The following PRDM16 variants were observed in gnomAD, a reference collection of about 807,000 sequenced individuals.
The protein encoded by PRDM16 is histone-lysine N-methyltransferase PRDM16.
PRDM16 carries 23 observed loss-of-function variants against 110.6 expected under a neutral mutation model. The observed-to-expected ratio is 0.21, with a 90% confidence interval of 0.15 to 0.29. The LOEUF (loss-of-function observed/expected upper bound fraction) is 0.29, where lower values mean the gene tolerates loss of function less well. PRDM16 is among the 10% of genes least tolerant of loss of function. PRDM16 has a pLI of 1.00. For synonymous variants in PRDM16, 799 were observed against 781.8 expected (o/e 1.02, Z -0.37); for missense variants, 1,615 against 1,794.3 (o/e 0.90, Z 1.81).
chr1:3,302,774 A>G (rs1372362330), intron 3 of PRDM16, among the ~76,000 whole-genome samples: 1 of 152,228 alleles, frequency 6.6e-6, no homozygotes, highest in Admixed American at 6.5e-5. Context: ...AGTAGACTAG[A>G]AAGAACACCT....
intron 1 of PRDM16, among the ~76,000 whole-genome samples, chr1:3,128,971 G>A (rs1643272350): frequency 6.6e-6 from 1 of 152,220 alleles, no homozygotes; most frequent in Non-Finnish European, 1.5e-5. Context: ...CTGTGCAGAT[G>A]AGATGAGGAG....
rs558939434 is a variant in PRDM16, at chr1:3,290,597, G to C, written c.438+46460G>C. On this transcript the variant is annotated intron_variant, in intron 3 of 16. Transcript: ENST00000270722. The surrounding 1 kb of genome is among the most constrained non-coding windows in gnomAD (Gnocchi z 4.8). ...ATCACTGAAGAAGCCCCGTGGCTCC[G>C]GCTCCGTCTGCAGGATCCCTCCCAG... Among the ~76,000 whole-genome samples the C allele has an allele frequency of 3.5e-4, 53 of 152,176 alleles. No homozygotes were observed. The highest frequency in any genetic ancestry group is 7.3e-5 in the Non-Finnish European group (5 of 68,028).
At chr1:3,337,815 C>T (rs1297697721) in intron 3 of PRDM16, among the ~76,000 whole-genome samples, 2 of 152,196 alleles carry the variant, frequency 1.3e-5, no homozygotes, top group African/African-American at 4.8e-5. Flanking sequence ...TGGAGCATGA[C>T]ACTGAGCATT....
chr1:3,432,258 GC>G (rs1279254779), intron 16 of PRDM16, 118 bp downstream of exon 16: 2 of 816,188 alleles, frequency 2.5e-6, no homozygotes, highest in Non-Finnish European at 3.9e-6. Flanking sequence ...TCACGCAAAC[GC>G]CCCCACGCTG....
At chr1:3,366,936 T>C (rs1230903384) in intron 3 of PRDM16, among the ~76,000 whole-genome samples, 1 of 152,180 alleles carries the variant, frequency 6.6e-6, no homozygotes, top group Non-Finnish European at 1.5e-5. Context: ...TGTTTTGTTT[T>C]GCTAGGCTTT....
At chr1:3,352,845 G>A (rs763846704) in intron 3 of PRDM16, among the ~76,000 whole-genome samples, 1 of 151,916 alleles carries the variant, frequency 6.6e-6, no homozygotes, top group African/African-American at 2.4e-5. Flanking sequence ...GCCTCTGCCC[G>A]GTGTCAGGAA....
rs773488297 is a variant in PRDM16, at chr1:3,433,710, A to G, written c.3730A>G (p.Thr1244Ala). 8 of 1,613,336 alleles carry G rather than the reference A, an allele frequency of 5.0e-6. No homozygotes were observed. The highest frequency in any genetic ancestry group is 5.9e-6 in the Non-Finnish European group (7 of 1,179,796). Residue 1244 changes from threonine to alanine, a missense_variant, in exon 17 of 17, where the codon ACT becomes GCT. By Grantham distance (58) the Thr-to-Ala change is moderately conservative (BLOSUM62 0). This residue lies in a region of PRDM16 where 327 missense variants were observed against 359.3 expected (regional missense o/e 0.91). Coordinates refer to ENST00000270722, the MANE Select transcript of PRDM16 (RefSeq NM_022114.4). ...YAMMLSLSED[T>A]PLHTPSQGSL... is the part of the protein sequence containing the mutation. ...AATGATGCTGTCCCTTTCCGAAGAC[A>G]CTCCTCTCCACACCCCCTCCCAGGG...
intron 3 of PRDM16, among the ~76,000 whole-genome samples, chr1:3,285,772 C>T (rs1453416928): frequency 6.6e-6 from 1 of 152,150 alleles, no homozygotes; most frequent in African/African-American, 2.4e-5. Flanking sequence ...AGGAAAGCCC[C>T]CCCACCACCG....
intron 16 of PRDM16, 122 bp from the exon 17 acceptor site, chr1:3,433,555 G>A (rs57214979): frequency 4.8e-5 from 11 of 230,084 alleles, no homozygotes; most frequent in South Asian, 3.8e-4. Flanking sequence ...CTGCCCACGC[G>A]CTCACCTGCC....
chr1:3,222,778 T>G (rs1172172099), intron 2 of PRDM16, among the ~76,000 whole-genome samples: 49 of 152,212 alleles, frequency 3.2e-4, no homozygotes, highest in Admixed American at 3.1e-3. Flanking sequence ...GGATGCAGGC[T>G]TGGTTCTGGA....
At chr1:3,363,043 G>A (rs1557633971) in intron 3 of PRDM16, among the ~76,000 whole-genome samples, 2 of 152,210 alleles carry the variant, frequency 1.3e-5, no homozygotes, top group Admixed American at 6.5e-5. Context: ...AAGGACCCTG[G>A]CATGTGAGAA....
At chr1:3,118,120 C>CGTGTGTGCGTGTGTACATGCAT (rs1643008892) in intron 1 of PRDM16, among the ~76,000 whole-genome samples, 1 of 145,874 alleles carries the variant, frequency 6.9e-6, no homozygotes, top group South Asian at 2.2e-4. Flanking sequence ...TGTGCGTGTG[C>CGTGTGTGCGTGTGTACATGCAT]GTGTGTGCGT....
chr1:3,345,258 T>A (rs776487510), intron 3 of PRDM16, among the ~76,000 whole-genome samples: 19 of 152,236 alleles, frequency 1.2e-4, no homozygotes, highest in Admixed American at 2.0e-4. Flanking sequence ...TATTCTCTAG[T>A]GCTATCAAGT....
intron 3 of PRDM16, among the ~76,000 whole-genome samples, chr1:3,340,727 C>T (rs1642253587): frequency 1.3e-5 from 2 of 152,200 alleles, no homozygotes; most frequent in Non-Finnish European, 2.9e-5. Context: ...TGTTTCCACT[C>T]ACTGGGGACG....
chr1:3,122,513 A>T (rs906788481), intron 1 of PRDM16, among the ~76,000 whole-genome samples: 2 of 152,284 alleles, frequency 1.3e-5, no homozygotes, highest in East Asian at 3.9e-4. Context: ...CCTGGGGCCC[A>T]CCTGGGGGCT....
intron 2 of PRDM16, among the ~76,000 whole-genome samples, chr1:3,189,661 CA>C (rs1302226032): frequency 1.3e-5 from 2 of 152,194 alleles, no homozygotes; most frequent in African/African-American, 4.8e-5. Context: ...AGATAACAAG[CA>C]AAATCCAAGA....
At chr1:3,092,758 G>A (rs976499850) in intron 1 of PRDM16, among the ~76,000 whole-genome samples, 11 of 152,148 alleles carry the variant, frequency 7.2e-5, no homozygotes, top group African/African-American at 2.2e-4. Context: ...GCACTTTGGG[G>A]TCTCCCGGCA....
At chr1:3,240,820 G>C (rs181684526) in intron 2 of PRDM16, among the ~76,000 whole-genome samples, 1 of 152,374 alleles carries the variant, frequency 6.6e-6, no homozygotes, top group Admixed American at 6.5e-5. Context: ...AGTCAAAAAA[G>C]AGGTTCTGAC....
At chr1:3,134,023 G>A (rs1370190328) in intron 1 of PRDM16, among the ~76,000 whole-genome samples, 3 of 152,182 alleles carry the variant, frequency 2.0e-5, no homozygotes, top group Non-Finnish European at 2.9e-5. Flanking sequence ...GGGGAAAAAA[G>A]GTCAGGCAGC....
Sources: gnomAD v4.1 joint callset for allele counts (sites outside exome capture counted in the v4.1 genomes callset) on GRCh38, gnomAD v4.1.1 for gene constraint, gnomAD v4.1.1 regional missense constraint, Gnocchi (gnomAD v3.1) non-coding constraint, MANE v1.5 for transcripts, NCBI Gene and HGNC (gene_info 2026-07-23, HGNC 2026-07-21) for gene names.